The following EYS variants were observed in gnomAD, a reference collection of about 807,000 sequenced individuals.
EYS encodes the protein EGF-like photoreceptor maintenance factor.
In EYS, 250 loss-of-function variants were observed where a neutral mutation model predicts 282.1. That is an observed-to-expected ratio of 0.89 (90% CI 0.80 to 0.98). EYS has a LOEUF of 0.98. Among genes scored for constraint, EYS ranks in the 50% least tolerant of loss-of-function variants. The pLI, the probability that EYS is intolerant of heterozygous loss-of-function variation, is 0.00. For synonymous variants in EYS, 1,355 were observed against 1,282.9 expected (o/e 1.06, Z -1.20); for missense variants, 4,016 against 3,709.0 (o/e 1.08, Z -2.15).
In EYS at chr6:65,386,514, C is replaced by G. The variant is rs149126805; in HGVS notation, c.1185-2014G>C. Among the ~76,000 whole-genome samples, 662 of 151,894 alleles carry G rather than the reference C, an allele frequency of 4.4e-3. 5 individuals are homozygous for G. Among genetic ancestry groups the G allele is most frequent in the African/African-American group, 0.015 (607 of 41,466 alleles). ...ATCTAAGAAGCACTTCCAAGTCTTA[C>G]TCATAAGAAAAATGTCATCCTATCA... On this transcript the variant is annotated intron_variant, in intron 7 of 42. Transcript: ENST00000503581.
In EYS at chr6:64,791,030, C is replaced by T. The variant is rs185114958; in HGVS notation, c.3443+22348G>A. On this transcript the variant is annotated intron_variant, in intron 22 of 42. Coordinates refer to ENST00000503581, the MANE Select transcript of EYS (RefSeq NM_001142800.2). ...GAAAACATCAGTTTTTACTTAATCT[C>T]CTTATGCTGTTTCTTTCTTCCTTCC... 3.5e-3 allele frequency among the ~76,000 whole-genome samples: 536 copies of T among 151,880 alleles called. 1 individual carries two copies. The highest frequency in any genetic ancestry group is 6.8e-3 in the Middle Eastern group (2 of 294).
At chr6:65,558,836 T>C (rs2127343014) in intron 2 of EYS, among the ~76,000 whole-genome samples, 1 of 152,224 alleles carries the variant, frequency 6.6e-6, no homozygotes, top group African/African-American at 2.4e-5. Flanking sequence ...TCTAGGTAAG[T>C]TCTACACTGT....
chr6:65,198,742 G>C (rs1217838437), intron 12 of EYS, among the ~76,000 whole-genome samples: 1 of 152,160 alleles, frequency 6.6e-6, no homozygotes, highest in Non-Finnish European at 1.5e-5. Context: ...TGAGTAGCAA[G>C]AATGACATTT....
chr6:64,041,632 T>C (rs1770395607), intron 33 of EYS, among the ~76,000 whole-genome samples: 1 of 152,194 alleles, frequency 6.6e-6, no homozygotes, highest in South Asian at 2.1e-4. Context: ...TCAAAGCTCT[T>C]ACATGTTCAG....
At chr6:63,839,763 C>A (rs11755371) in intron 36 of EYS, among the ~76,000 whole-genome samples, 18,125 of 152,138 alleles carry the variant, frequency 0.12, 1,284 homozygotes, top group African/African-American at 0.19. Flanking sequence ...AATCACATGG[C>A]AGTTCTATTT....
At chr6:65,527,010 G>C (rs1767593191) in intron 2 of EYS, among the ~76,000 whole-genome samples, 1 of 152,078 alleles carries the variant, frequency 6.6e-6, no homozygotes, top group Non-Finnish European at 1.5e-5. Flanking sequence ...GAGTCCCTAG[G>C]TTTCTGGAGA....
intron 22 of EYS, among the ~76,000 whole-genome samples, chr6:64,719,569 T>A (rs1158501711): frequency 1.3e-5 from 2 of 152,144 alleles, no homozygotes; most frequent in East Asian, 1.9e-4. Flanking sequence ...GAAGGAGAGA[T>A]GTTGCAGGCA....
intron 35 of EYS, among the ~76,000 whole-genome samples, chr6:63,947,508 C>T (rs972603827): frequency 6.6e-6 from 1 of 152,012 alleles, no homozygotes; most frequent in East Asian, 1.9e-4. Flanking sequence ...AGAAGAAATA[C>T]TCTTTATAGA....
chr6:64,341,996 TATAAG>T (rs1257901600), intron 29 of EYS, among the ~76,000 whole-genome samples: 2 of 151,600 alleles, frequency 1.3e-5, no homozygotes, highest in Non-Finnish European at 3.0e-5. Context: ...TATGGTTACT[TATAAG>T]AGGAGGAGGG....
intron 22 of EYS, among the ~76,000 whole-genome samples, chr6:64,773,606 A>C (rs769945279): frequency 7.9e-5 from 12 of 151,836 alleles, no homozygotes; most frequent in Non-Finnish European, 1.6e-4. Context: ...GTGTATAAGC[A>C]TTAAATTTTC....
At chr6:64,550,138 G>T (rs1765024494) in intron 26 of EYS, among the ~76,000 whole-genome samples, 1 of 152,270 alleles carries the variant, frequency 6.6e-6, no homozygotes, top group African/African-American at 2.4e-5. Flanking sequence ...GTCTATCATT[G>T]TTAGACATTT....
At chr6:65,072,676 A>T (rs1276412285) in intron 12 of EYS, among the ~76,000 whole-genome samples, 1 of 151,846 alleles carries the variant, frequency 6.6e-6, no homozygotes, top group Non-Finnish European at 1.5e-5. Flanking sequence ...AAGATACAAA[A>T]TACCAATTAG....
At chr6:65,343,090 G>T (rs1424973101) in intron 10 of EYS, among the ~76,000 whole-genome samples, 2 of 151,012 alleles carry the variant, frequency 1.3e-5, no homozygotes, top group Non-Finnish European at 3.0e-5. Flanking sequence ...ATATATTTAT[G>T]ACTTGTAAAC....
At chr6:64,801,954 T>G (rs1051383592) in intron 22 of EYS, among the ~76,000 whole-genome samples, 1 of 151,730 alleles carries the variant, frequency 6.6e-6, no homozygotes, top group African/African-American at 2.4e-5. Flanking sequence ...TTAGGTTGGC[T>G]GTAGACCATG....
At chr6:64,966,892 C>T (rs1770112287) in intron 14 of EYS, among the ~76,000 whole-genome samples, 1 of 152,162 alleles carries the variant, frequency 6.6e-6, no homozygotes, top group African/African-American at 2.4e-5. Context: ...GGAACCTCAT[C>T]TCTTTAGTGG....
chr6:65,678,701 A>G (rs565201149), intron 1 of EYS, among the ~76,000 whole-genome samples: 6 of 151,986 alleles, frequency 3.9e-5, no homozygotes, highest in South Asian at 4.1e-4. Context: ...TTTGCAAACC[A>G]TATGTCTAAT....
chr6:64,518,787 C>CCCCG (rs1554169761), intron 26 of EYS, among the ~76,000 whole-genome samples: 1 of 150,996 alleles, frequency 6.6e-6, no homozygotes, highest in South Asian at 2.1e-4. Flanking sequence ...GGGGCCCCCC[C>CCCCG]CTTCTCAGGG....
chr6:64,855,771 T>C (rs9351448), intron 19 of EYS, among the ~76,000 whole-genome samples: 23,257 of 152,192 alleles, frequency 0.15, 2,016 homozygotes, highest in East Asian at 0.43. Flanking sequence ...CCATGTGCTT[T>C]ACCACTTTCC....
intron 33 of EYS, among the ~76,000 whole-genome samples, chr6:63,999,500 A>G (rs1033163115): frequency 2.6e-5 from 4 of 152,230 alleles, no homozygotes; most frequent in African/African-American, 9.6e-5. Context: ...TTAAGTGCTA[A>G]CTGTGGTTGA....
Sources: allele counts gnomAD v4.1 joint callset (sites outside exome capture counted in the v4.1 genomes callset), GRCh38; gene constraint gnomAD v4.1.1; transcripts MANE v1.5; gene names NCBI Gene and HGNC (gene_info 2026-07-23, HGNC 2026-07-21).